The following TMEM182 variants were observed in gnomAD, a reference collection of about 807,000 sequenced individuals.
The protein encoded by TMEM182 is transmembrane protein 182.
A neutral mutation model predicts 26.8 loss-of-function variants in TMEM182; 20 were observed. The observed-to-expected ratio is 0.75, with a 90% CI of 0.53 to 1.09. The LOEUF (loss-of-function observed/expected upper bound fraction) is 1.09, where lower values mean the gene tolerates loss of function less well. TMEM182 is among the 50% of genes least tolerant of loss of function. The pLI is 0.00. For synonymous variants in TMEM182, 109 were observed against 102.2 expected (o/e 1.07, Z -0.40); for missense variants, 277 against 275.5 (o/e 1.01, Z -0.04).
rs35677242 is a variant in TMEM182 at position 102,786,041 on chromosome 2, A to ATT, written c.332-11804_332-11803dup. ...CACAGGTCTTTTCAGGTGTAGATTG[A>ATT]TTTTTTTTTTTTTTTTTTTAAGGAA... is the stretch of plus-strand genomic sequence containing the variant. On this transcript the variant is annotated intron_variant, in intron 3 of 4. Coordinates refer to ENST00000412401, the MANE Select transcript of TMEM182 (RefSeq NM_144632.5). Among the ~76,000 whole-genome samples the ATT allele has an allele frequency of 4.2e-4, 57 of 135,830 alleles. 1 individual carries two copies. The highest frequency in any genetic ancestry group is 1.0e-3 in the Admixed American group (14 of 13,522). 89.1% of individuals were successfully genotyped at this position (135,830 alleles called of 152,430 possible).
At chr2:102,792,908 G>T (rs368254192) in intron 3 of TMEM182, among the ~76,000 whole-genome samples, 20 of 152,150 alleles carry the variant, frequency 1.3e-4, no homozygotes, top group African/African-American at 4.8e-4. Context: ...ATTCTGGGGC[G>T]CATTTTTTCC....
chr2:102,790,132 A>G (rs1342499180), intron 3 of TMEM182, among the ~76,000 whole-genome samples: 1 of 152,234 alleles, frequency 6.6e-6, no homozygotes, highest in East Asian at 1.9e-4. Flanking sequence ...TTGCGAGGGC[A>G]AGGATTATGT....
chr2:102,780,198 T>C (rs1399534263), intron 3 of TMEM182, among the ~76,000 whole-genome samples: 1 of 152,234 alleles, frequency 6.6e-6, no homozygotes, highest in African/African-American at 2.4e-5. Context: ...ATGATTTTTT[T>C]ATTGAAGCCT....
At chr2:102,806,261 G>A (rs1439156545) in intron 4 of TMEM182, among the ~76,000 whole-genome samples, 1 of 151,960 alleles carries the variant, frequency 6.6e-6, no homozygotes, top group Non-Finnish European at 1.5e-5. Flanking sequence ...CTAGGCTAAC[G>A]GTCTGTCCTG....
chr2:102,756,355 T>C (rs1680032650), intron 1 of TMEM182, among the ~76,000 whole-genome samples: 1 of 152,238 alleles, frequency 6.6e-6, no homozygotes, highest in South Asian at 2.1e-4. Context: ...TTGACACACG[T>C]CATCTTACCA....
chr2:102,771,326 C>G (rs1680663404), intron 3 of TMEM182, among the ~76,000 whole-genome samples: 1 of 152,172 alleles, frequency 6.6e-6, no homozygotes, highest in Non-Finnish European at 1.5e-5. Flanking sequence ...GCTGCAGTTC[C>G]TGAATAACAG....
At chr2:102,777,926 G>A (rs949270972) in intron 3 of TMEM182, among the ~76,000 whole-genome samples, 1 of 151,442 alleles carries the variant, frequency 6.6e-6, no homozygotes, top group African/African-American at 2.4e-5. Context: ...TTACAGCTTG[G>A]GATATGATCA....
chr2:102,772,569 C>T (rs1277783809), intron 3 of TMEM182, among the ~76,000 whole-genome samples: 1 of 152,076 alleles, frequency 6.6e-6, no homozygotes, highest in African/African-American at 2.4e-5. Context: ...TAGATAGATG[C>T]TGTAGAGTGT....
chr2:102,794,271 C>A (rs1398548890), intron 3 of TMEM182, among the ~76,000 whole-genome samples: 1 of 152,124 alleles, frequency 6.6e-6, no homozygotes, highest in Non-Finnish European at 1.5e-5. Flanking sequence ...TCAGGTCACT[C>A]GGACTCCAAC....
intron 4 of TMEM182, among the ~76,000 whole-genome samples, chr2:102,805,306 T>G (rs1476948045): frequency 6.6e-6 from 1 of 152,158 alleles, no homozygotes; most frequent in Non-Finnish European, 1.5e-5. Context: ...GCCTGCTCCT[T>G]GAGTCTGGAA....
chr2:102,793,890 T>C (rs1409718422), intron 3 of TMEM182, among the ~76,000 whole-genome samples: 5 of 152,126 alleles, frequency 3.3e-5, no homozygotes, highest in Non-Finnish European at 5.9e-5. Flanking sequence ...TGTGCAGTGA[T>C]AATGCAATCT....
At chr2:102,743,773 A>G (rs1012030486) in intron 1 of TMEM182, among the ~76,000 whole-genome samples, 2 of 152,216 alleles carry the variant, frequency 1.3e-5, no homozygotes, top group African/African-American at 4.8e-5. Context: ...AGGGAAAATT[A>G]TATCATATTG....
intron 3 of TMEM182, chr2:102,775,539 G>A: frequency 6.6e-6 from 1 of 152,098 alleles, no homozygotes. Context: ...TTCTGGCCAG[G>A]GCAATTAGAC....
chr2:102,777,016 T>C (rs2104688222), intron 3 of TMEM182, among the ~76,000 whole-genome samples: 1 of 152,282 alleles, frequency 6.6e-6, no homozygotes, highest in Middle Eastern at 3.4e-3. Flanking sequence ...TCTTGAATTT[T>C]AAGATTTCTT....
chr2:102,776,397 G>T (rs747255445), intron 3 of TMEM182, among the ~76,000 whole-genome samples: 2 of 152,036 alleles, frequency 1.3e-5, no homozygotes, highest in Admixed American at 1.3e-4. Context: ...TCAGAATGTC[G>T]TATAGTTAAA....
At chr2:102,784,221 T>C (rs1055254861) in intron 3 of TMEM182, among the ~76,000 whole-genome samples, 2 of 152,184 alleles carry the variant, frequency 1.3e-5, no homozygotes, top group African/African-American at 4.8e-5. Flanking sequence ...ATTTCCCCAC[T>C]GGGTAGACTA....
At chr2:102,831,755 TA>T (rs562317227) in intron 3 of TMEM182, among the ~76,000 whole-genome samples, 199 of 142,178 alleles carry the variant, frequency 1.4e-3, no homozygotes, top group Middle Eastern at 3.8e-3. Context: ...AGACTCTGTC[TA>T]AAAAAAAAAA....
At chr2:102,796,073 A>G (rs922177376) in intron 3 of TMEM182, among the ~76,000 whole-genome samples, 2 of 152,192 alleles carry the variant, frequency 1.3e-5, no homozygotes, top group Non-Finnish European at 2.9e-5. Flanking sequence ...TAAAAAGAGG[A>G]AAAAATAAAC....
intron 3 of TMEM182, among the ~76,000 whole-genome samples, chr2:102,837,842 CT>C (rs1374050005): frequency 6.6e-6 from 1 of 152,146 alleles, no homozygotes; most frequent in East Asian, 1.9e-4. Context: ...GGGAAGTTAC[CT>C]GTTTAAGGAG....
Sources: gnomAD v4.1 joint callset for allele counts (sites outside exome capture counted in the v4.1 genomes callset) on GRCh38, gnomAD v4.1.1 for gene constraint, MANE v1.5 for transcripts, NCBI Gene and HGNC (gene_info 2026-07-23, HGNC 2026-07-21) for gene names.